The following SCN8A variants were observed in gnomAD, a reference collection of about 807,000 sequenced individuals.
The protein encoded by SCN8A is sodium channel protein type 8 subunit alpha.
Under a neutral mutation model 184.1 loss-of-function variants are expected in SCN8A, and 30 were observed. The observed-to-expected ratio is 0.16, with a 90% CI of 0.12 to 0.22. The LOEUF is 0.22. Among genes scored for constraint, SCN8A ranks in the 10% least tolerant of loss-of-function variants. The probability of loss-of-function intolerance (pLI) is 1.00; values close to 1 mark genes in which losing one functional copy is unlikely to be tolerated. For missense variants in SCN8A, 1,057 were observed against 2,498.9 expected, an observed-to-expected ratio of 0.42 and a Z score of 12.30; for synonymous variants, 852 against 907.0, an observed-to-expected ratio of 0.94 and a Z score of 1.09.
At chr12:51,608,175 C>T (rs768238086) in intron 1 of SCN8A, among the ~76,000 whole-genome samples, 2 of 151,994 alleles carry the variant, frequency 1.3e-5, no homozygotes, top group African/African-American at 2.4e-5. Context: ...CGCCCACCAC[C>T]GTGCCCGGCT....
intron 1 of SCN8A, among the ~76,000 whole-genome samples, chr12:51,653,587 A>G (rs1940762611): frequency 6.6e-6 from 1 of 152,158 alleles, no homozygotes; most frequent in Non-Finnish European, 1.5e-5. Context: ...TGTTTATCTC[A>G]TAGACATTTG....
At chr12:51,658,414 T>G (rs1940864799) in intron 1 of SCN8A, among the ~76,000 whole-genome samples, 1 of 152,074 alleles carries the variant, frequency 6.6e-6, no homozygotes, top group Admixed American at 6.6e-5. Context: ...TTTCTGCTAG[T>G]TTGTTGTGGA....
chr12:51,721,788 C>T lies in SCN8A; in HGVS notation c.1878C>T (p.Ser626=), dbSNP rs1942069700. Residue 626 remains serine (S), a synonymous_variant, in exon 12 of 27, where the codon TCC becomes TCT. Transcript: ENST00000627620. ...GYSGYSQGSR[S]SRIFPSLRRS... ...GCGGCTACAGCCAGGGCAGCCGCTCCTCGCGCATCTTCCCCAGCCTGCGGC... is the reference window on the plus strand; with the variant it reads ...GCGGCTACAGCCAGGGCAGCCGCTCTTCGCGCATCTTCCCCAGCCTGCGGC... 1.2e-6 allele frequency: 2 copies of T among 1,610,494 alleles called. No homozygotes were observed. Among genetic ancestry groups the T allele is most frequent in the South Asian group, 2.2e-5 (2 of 91,006 alleles).
At chr12:51,758,854 T>C (rs776822618) in intron 14 of SCN8A, among the ~76,000 whole-genome samples, 3 of 152,190 alleles carry the variant, frequency 2.0e-5, no homozygotes, top group Non-Finnish European at 2.9e-5. Flanking sequence ...CACACAGATA[T>C]GTACAGTAGT....
intron 3 of SCN8A, 98 bp downstream of exon 3, chr12:51,684,390 A>C: frequency 1.4e-6 from 1 of 718,612 alleles, no homozygotes; most frequent in Non-Finnish European, 2.5e-6. Context: ...TAAGTTTTTT[A>C]CTGATAGTGT....
rs1423546979 is a variant in SCN8A, at chr12:51,769,007, T to C, written c.3044T>C (p.Val1015Ala). Reference protein sequence around the residue: ...KKGVAWTKLKVHAFMQAHFKQ... With the variant: ...KKGVAWTKLKAHAFMQAHFKQ... ...GGTGTGGCCTGGACCAAACTAAAGG[T>C]GCACGCCTTCATGCAGGCCCACTTT... The change falls in exon 17 of 27, where the codon GTG becomes GCG. Residue 1015 changes from valine to alanine, a missense_variant. Physicochemically the swap from Val to Ala is moderately conservative, Grantham distance 64. Coordinates refer to ENST00000627620, the MANE Select transcript of SCN8A (RefSeq NM_001330260.2). 1.9e-6 allele frequency: 3 copies of C among 1,613,822 alleles called. No homozygotes were observed. Among genetic ancestry groups the C allele is most frequent in the Non-Finnish European group, 2.5e-6 (3 of 1,179,888 alleles).
At chr12:51,781,018 T>C (rs1937905076) in intron 21 of SCN8A, among the ~76,000 whole-genome samples, 1 of 152,176 alleles carries the variant, frequency 6.6e-6, no homozygotes, top group South Asian at 2.1e-4. Context: ...CATTGGCTAT[T>C]CTCATTTGGC....
Position 51,618,379 on chromosome 12 carries a change from T to C in SCN8A, c.-55+27020T>C, listed in dbSNP as rs75465684. The stretch of plus-strand genomic sequence containing the variant: ...GACCAGAAATGGAGGTCTTCTCCTG[T>C]AGCTTTTTCTGTCTGTGCTTGGGGC... On this transcript the variant is annotated intron_variant, in intron 1 of 26. Transcript: ENST00000627620. Among the ~76,000 whole-genome samples the C allele has an allele frequency of 5.3e-3, 811 of 151,946 alleles. 2 individuals are homozygous for C. Among genetic ancestry groups the C allele is most frequent in the African/African-American group, 0.019 (773 of 41,394 alleles).
rs943994006 is a variant in SCN8A, at chr12:51,655,035, G to T, written c.-54-7729G>T. ...GTGCTTTAGCTACCCAAGTAGTTTG[G>T]ATTACAGGCATGTACACCACGCCCA... On this transcript the variant is annotated intron_variant, in intron 1 of 26. Coordinates refer to ENST00000627620, the MANE Select transcript of SCN8A (RefSeq NM_001330260.2). 4.6e-5 allele frequency among the ~76,000 whole-genome samples: 7 copies of T among 152,162 alleles called. No individual in the cohort carries two copies. In the East Asian group the frequency reaches 1.4e-3, roughly 29 times the overall value.
intron 1 of SCN8A, among the ~76,000 whole-genome samples, chr12:51,601,740 G>A (rs185406128): frequency 1.8e-4 from 28 of 151,998 alleles, no homozygotes; most frequent in Non-Finnish European, 7.4e-5. Flanking sequence ...TCCACAGGCT[G>A]CCTTGCTGGT....
rs1942896252 is a variant in SCN8A at position 51,769,861 on chromosome 12, T to G, written c.3373-7T>G. The G allele has an allele frequency of 6.3e-7, 1 of 1,575,478 alleles. No homozygotes were observed. The highest frequency in any genetic ancestry group is 1.3e-5 in the African/African-American group (1 of 74,118). On this transcript the variant is annotated splice_polypyrimidine_tract_variant and splice_region_variant and intron_variant, in intron 17 of 26. Coordinates refer to ENST00000627620, the MANE Select transcript of SCN8A (RefSeq NM_001330260.2). ...CTGCCTGATCTCCCTTTTCCTTGCG[T>G]GTCTAGAAACTAGATGACACCAGCT... is the stretch of plus-strand genomic sequence containing the variant.
At chr12:51,662,332 A>G (rs1322418096) in intron 1 of SCN8A, among the ~76,000 whole-genome samples, 1 of 152,230 alleles carries the variant, frequency 6.6e-6, no homozygotes, top group Non-Finnish European at 1.5e-5. Context: ...ATTTATCCTC[A>G]TCTTGCCCTT....
chr12:51,800,194 G>A (rs1938517571), intron 26 of SCN8A, among the ~76,000 whole-genome samples: 1 of 152,240 alleles, frequency 6.6e-6, no homozygotes, highest in African/African-American at 2.4e-5. Flanking sequence ...GGACAGGAAT[G>A]GAGAAAAAGG....
intron 26 of SCN8A, among the ~76,000 whole-genome samples, chr12:51,796,315 A>G (rs1484010427): frequency 1.3e-5 from 2 of 152,244 alleles, no homozygotes; most frequent in East Asian, 3.9e-4. Flanking sequence ...CCTCAAGTCC[A>G]TTCTCCTAAT....
In SCN8A at chr12:51,794,650, G is replaced by T; in HGVS notation, c.4795+9G>T. ...CATCCTCTCCATTGTGGGTGAGTGGGGTTGGGGAAGTAGGCGAGGGGAAAG... is the reference window on the plus strand; with the variant it reads ...CATCCTCTCCATTGTGGGTGAGTGGTGTTGGGGAAGTAGGCGAGGGGAAAG... On this transcript the variant is annotated intron_variant, in intron 26 of 26. Transcript: ENST00000627620. 1 of 1,612,850 alleles carries T rather than the reference G, an allele frequency of 6.2e-7. No homozygotes were observed. The highest frequency in any genetic ancestry group is 8.5e-7 in the Non-Finnish European group (1 of 1,179,062).
At chr12:51,634,151 T>C (rs1270590350) in intron 1 of SCN8A, among the ~76,000 whole-genome samples, 1 of 152,128 alleles carries the variant, frequency 6.6e-6, no homozygotes, top group Non-Finnish European at 1.5e-5. Context: ...TCAAAAGAAA[T>C]AAATGTCAAA....
At chr12:51,664,352 C>T (rs925643576) in intron 2 of SCN8A, among the ~76,000 whole-genome samples, 3 of 151,822 alleles carry the variant, frequency 2.0e-5, no homozygotes, top group Admixed American at 1.3e-4. Context: ...GGACTACAGG[C>T]GCCCACCACC....
intron 3 of SCN8A, among the ~76,000 whole-genome samples, chr12:51,685,741 G>A (rs1043192741): frequency 1.3e-5 from 2 of 152,108 alleles, no homozygotes; most frequent in Admixed American, 1.3e-4. Flanking sequence ...CAGCCCTTTA[G>A]AAGGACTAGG....
intron 2 of SCN8A, among the ~76,000 whole-genome samples, chr12:51,667,451 C>G (rs11169901): frequency 0.016 from 2,508 of 152,082 alleles, 35 homozygotes; most frequent in Non-Finnish European, 0.026. Flanking sequence ...GCCTCAACCT[C>G]CTGGGCAACC....
Sources: allele counts gnomAD v4.1 joint callset (sites outside exome capture counted in the v4.1 genomes callset), GRCh38; gene constraint gnomAD v4.1.1; transcripts MANE v1.5; gene names NCBI Gene and HGNC (gene_info 2026-07-23, HGNC 2026-07-21).